Variants in THOC2 observed in about 807,000 individuals in gnomAD.
THOC2 encodes the protein THO complex 2.
THOC2 carries 10 observed loss-of-function variants against 128.4 expected under a neutral mutation model. The observed-to-expected ratio is 0.08, with a 90% CI of 0.05 to 0.13. THOC2 has a LOEUF of 0.13. Among genes scored for constraint, THOC2 ranks in the 10% least tolerant of loss-of-function variants. The probability of loss-of-function intolerance (pLI) is 1.00; values close to 1 mark genes in which losing one functional copy is unlikely to be tolerated. For synonymous variants in THOC2, 393 were observed against 396.9 expected (o/e 0.99, Z 0.12); for missense variants, 535 against 1,155.7 (o/e 0.46, Z 7.79).
intron 7 of THOC2, among the ~76,000 whole-genome samples, chrX:123,691,912 C>T (rs924620599): frequency 8.9e-6 from 1 of 112,328 alleles, no homozygotes; most frequent in African/African-American, 3.2e-5. Context: ...TATTGGCACA[C>T]AGTCACATTT....
At chrX:123,666,128 G>A (rs1451621327) in intron 11 of THOC2, among the ~76,000 whole-genome samples, 1 of 111,789 alleles carries the variant, frequency 8.9e-6, no homozygotes, top group Non-Finnish European at 1.9e-5. Context: ...TGGATTTCAA[G>A]GAACATTTAA....
intron 15 of THOC2, among the ~76,000 whole-genome samples, chrX:123,644,107 A>T (rs909341549): frequency 8.9e-6 from 1 of 112,424 alleles, no homozygotes; most frequent in Admixed American, 9.4e-5. Context: ...AAATTTTTTT[A>T]AAAAAGAAAT....
chrX:123,690,895 A>G (rs970648973), intron 7 of THOC2, among the ~76,000 whole-genome samples: 2 of 112,418 alleles, frequency 1.8e-5, no homozygotes, highest in African/African-American at 6.5e-5. Context: ...CCAATGAATA[A>G]CAAAATAAAA....
intron 1 of THOC2, among the ~76,000 whole-genome samples, chrX:123,717,429 A>G (rs28817413): frequency 0.025 from 2,795 of 111,177 alleles, 81 homozygotes; most frequent in African/African-American, 0.086. Flanking sequence ...AAATAAAAAT[A>G]TAATAGCTAC....
At chrX:123,725,428 CAAAAA>C (rs766388135) in intron 1 of THOC2, among the ~76,000 whole-genome samples, 1 of 54,895 alleles carries the variant, frequency 1.8e-5, no homozygotes, top group Non-Finnish European at 3.5e-5. Flanking sequence ...CCCATCTCTA[CAAAAA>C]AAAAAAAAAA....
intron 33 of THOC2, among the ~76,000 whole-genome samples, chrX:123,616,208 C>A (rs2046887630): frequency 9.0e-6 from 1 of 110,975 alleles, no homozygotes; most frequent in African/African-American, 3.3e-5. Context: ...TTTTTTAGGA[C>A]AAGTGCTCCC....
intron 25 of THOC2, among the ~76,000 whole-genome samples, chrX:123,624,953 T>A (rs763862311): frequency 9.1e-6 from 1 of 110,175 alleles, no homozygotes. Context: ...AATAAGTTGT[T>A]TTTTTTTTAT....
chrX:123,638,190 C>A, intron 17 of THOC2, 67 bp from the exon 18 acceptor site: 4 of 718,767 alleles, frequency 5.6e-6, no homozygotes, highest in Non-Finnish European at 8.1e-6. Context: ...CATGAATATG[C>A]CACATCATAG....
chrX:123,636,187 A>T lies in THOC2; in HGVS notation c.1922-12T>A, dbSNP rs1441218273. On this transcript the variant is annotated splice_polypyrimidine_tract_variant and intron_variant, in intron 18 of 38. Coordinates refer to ENST00000245838, the MANE Select transcript of THOC2 (RefSeq NM_001081550.2). ...GAAACTAGCCAGACCTATATAAAAT[A>T]AAAAAAGAGTAAAAACAACTCATAA... The T allele has an allele frequency of 1.7e-6, 2 of 1,157,767 alleles. No individual in the cohort carries two copies. Among genetic ancestry groups the T allele is most frequent in the East Asian group, 3.0e-5 (1 of 33,507 alleles).
intron 1 of THOC2, among the ~76,000 whole-genome samples, chrX:123,715,326 C>A (rs1308555428): frequency 9.1e-6 from 1 of 110,194 alleles, no homozygotes; most frequent in Non-Finnish European, 1.9e-5. Flanking sequence ...GTGTGAGCCA[C>A]GGAGCCAGGC....
At chrX:123,718,771 T>C (rs2051545387) in intron 1 of THOC2, among the ~76,000 whole-genome samples, 2 of 108,220 alleles carry the variant, frequency 1.8e-5, no homozygotes, top group Admixed American at 2.0e-4. Flanking sequence ...AAAAAAAAAG[T>C]TTCTACACAG....
intron 36 of THOC2, 88 bp from the exon 37 acceptor site, chrX:123,611,604 T>G (rs1264446783): frequency 1.6e-5 from 9 of 564,022 alleles, no homozygotes; most frequent in Non-Finnish European, 2.3e-5. Flanking sequence ...GCGAGCTATA[T>G]TTGTCTTCAA....
intron 8 of THOC2, among the ~76,000 whole-genome samples, chrX:123,680,165 GCT>G (rs1293523347): frequency 9.1e-6 from 1 of 110,182 alleles, no homozygotes; most frequent in East Asian, 2.9e-4. Flanking sequence ...TCTGTCTCCT[GCT>G]CCTCCCTGGG....
chrX:123,670,048 C>T (rs2049208484), intron 9 of THOC2, among the ~76,000 whole-genome samples: 1 of 111,932 alleles, frequency 8.9e-6, no homozygotes, highest in Non-Finnish European at 1.9e-5. Context: ...CCACATATGC[C>T]GGTCTATACT....
chrX:123,687,238 T>C (rs1021224737), intron 7 of THOC2, among the ~76,000 whole-genome samples: 5 of 111,535 alleles, frequency 4.5e-5, no homozygotes, highest in African/African-American at 1.6e-4. Flanking sequence ...TACAGAACTA[T>C]AAAATATACC....
At chrX:123,665,072 CTA>C (rs2048996179) in intron 12 of THOC2, among the ~76,000 whole-genome samples, 1 of 111,089 alleles carries the variant, frequency 9.0e-6, no homozygotes, top group Non-Finnish European at 1.9e-5. Flanking sequence ...AATAATCTCG[CTA>C]GATTTGGGTT....
chrX:123,711,252 G>A (rs1343850671), intron 2 of THOC2, among the ~76,000 whole-genome samples: 2 of 99,818 alleles, frequency 2.0e-5, no homozygotes, highest in East Asian at 3.3e-4. Context: ...GGCTGGTCTC[G>A]AACTCCAGAC....
intron 8 of THOC2, among the ~76,000 whole-genome samples, chrX:123,679,621 G>A (rs780541472): frequency 1.8e-5 from 2 of 111,973 alleles, no homozygotes; most frequent in Admixed American, 9.5e-5. Flanking sequence ...CACCAGGTCC[G>A]TATATCCAAT....
Position 123,611,529 on chromosome X carries a change from G to A in THOC2, c.4678-13C>T. 1 of 1,086,079 alleles carries A rather than the reference G, an allele frequency of 9.2e-7. No individual in the cohort carries two copies. Among genetic ancestry groups the A allele is most frequent in the Non-Finnish European group, 1.3e-6 (1 of 787,024 alleles). The allele number at this position is 1,086,079 out of a possible 1,213,427, so 89.5% of individuals were successfully genotyped here. A position where few individuals can be genotyped will look rare whatever the true frequency, so the allele number is the denominator to read the frequency against. On this transcript the variant is annotated splice_polypyrimidine_tract_variant and intron_variant, in intron 36 of 38. Transcript: ENST00000245838. ...CATGCCTGGACTCCTATAAGAAATA[G>A]TAGAATTAGCTGGGGAAGGGAAAGC...
Sources: gnomAD v4.1 joint callset for allele counts (sites outside exome capture counted in the v4.1 genomes callset) on GRCh38, gnomAD v4.1.1 for gene constraint, MANE v1.5 for transcripts, NCBI Gene and HGNC (gene_info 2026-07-23, HGNC 2026-07-21) for gene names.